The following SUSD3 variants were observed in gnomAD, a reference collection of about 807,000 sequenced individuals.
SUSD3 encodes the protein sushi domain-containing protein 3.
A neutral mutation model predicts 20.6 loss-of-function variants in SUSD3; 18 were observed. The ratio of observed to expected loss-of-function variants is 0.87; its 90% CI spans 0.60 to 1.30. The LOEUF (loss-of-function observed/expected upper bound fraction) is 1.30. SUSD3 is among the 50% of genes most tolerant of loss of function. The pLI, the probability that SUSD3 is intolerant of heterozygous loss-of-function variation, is 0.00. For missense variants in SUSD3, 306 were observed against 346.9 expected, an observed-to-expected ratio of 0.88 and a Z score of 0.94; for synonymous variants, 137 against 141.5, an observed-to-expected ratio of 0.97 and a Z score of 0.23.
chr9:93,083,305 AG>A (rs1826497794), intron 4 of SUSD3, among the ~76,000 whole-genome samples: 1 of 152,128 alleles, frequency 6.6e-6, no homozygotes, highest in Non-Finnish European at 1.5e-5. Flanking sequence ...GGTCCTGCCC[AG>A]GGCTACAAAG....
intron 1 of SUSD3, among the ~76,000 whole-genome samples, chr9:93,075,540 C>CT (rs141399539): frequency 0.033 from 4,879 of 147,796 alleles, 117 homozygotes; most frequent in African/African-American, 0.058. Flanking sequence ...ACACTTATTT[C>CT]TTTTTTTAAT....
intron 1 of SUSD3, among the ~76,000 whole-genome samples, chr9:93,063,877 G>A (rs1304104618): frequency 1.3e-5 from 2 of 152,170 alleles, no homozygotes; most frequent in East Asian, 3.8e-4. Context: ...AGCCCCACCA[G>A]GCACCATCCT....
intron 4 of SUSD3, among the ~76,000 whole-genome samples, chr9:93,083,779 A>T (rs1321971821): frequency 6.6e-6 from 1 of 151,942 alleles, no homozygotes; most frequent in Non-Finnish European, 1.5e-5. Flanking sequence ...TACTTACTAG[A>T]GTTTTTCTGA....
chr9:93,079,381 C>T (rs1826307946), intron 3 of SUSD3, 90 bp from the exon 4 acceptor site: 19 of 1,450,278 alleles, frequency 1.3e-5, no homozygotes, highest in South Asian at 3.8e-5. Context: ...GTCCTGCAGA[C>T]GGTGCCCTGG....
At chr9:93,078,967 T>A (rs1009436908) in intron 3 of SUSD3, among the ~76,000 whole-genome samples, 5 of 151,220 alleles carry the variant, frequency 3.3e-5, no homozygotes, top group African/African-American at 1.2e-4. Flanking sequence ...GCTCAGCTAA[T>A]TTTTTTTTGT....
At chr9:93,066,907 C>T (rs112671493) in intron 1 of SUSD3, among the ~76,000 whole-genome samples, 1,745 of 152,124 alleles carry the variant, frequency 0.011, 33 homozygotes, top group African/African-American at 0.04. Context: ...GGGGTTTCAC[C>T]GTGTTGGCCA....
chr9:93,063,250 A>T (rs1825577503), intron 1 of SUSD3, among the ~76,000 whole-genome samples: 1 of 152,168 alleles, frequency 6.6e-6, no homozygotes. Context: ...ATTGAGGCCC[A>T]GGGCCCCAGT....
intron 1 of SUSD3, among the ~76,000 whole-genome samples, chr9:93,065,656 T>A (rs1312522610): frequency 6.6e-6 from 1 of 152,194 alleles, no homozygotes; most frequent in East Asian, 1.9e-4. Context: ...CAGAATCCCA[T>A]AGCCACCTCC....
intron 1 of SUSD3, among the ~76,000 whole-genome samples, chr9:93,063,653 C>T (rs543111237): frequency 2.6e-5 from 4 of 152,260 alleles, no homozygotes; most frequent in South Asian, 2.1e-4. Flanking sequence ...ACCTCTTGGC[C>T]ACCCTGAGGA....
In SUSD3 at chr9:93,079,531, C is replaced by A; in HGVS notation, c.486C>A (p.Tyr162Ter). ...DEDLETVQAAYLGLKHFNKPV... is the reference protein window; with the variant it reads ...DEDLETVQAA ...ACTTGGAGACGGTGCAGGCCGCATACCTTGGCCTCAAGCACTTCAACAAAC... is the reference window on the plus strand; with the variant it reads ...ACTTGGAGACGGTGCAGGCCGCATAACTTGGCCTCAAGCACTTCAACAAAC... The change falls in exon 4 of 5, where the codon TAC becomes TAA. Residue 162 changes from tyrosine (Y) to a stop codon, truncating the protein, a stop_gained. Transcript: ENST00000375472. LOFTEE classifies it high-confidence loss of function. The A allele has an allele frequency of 6.2e-7, 1 of 1,614,164 alleles. No individual in the cohort carries two copies. The highest frequency in any genetic ancestry group is 2.2e-5 in the East Asian group (1 of 44,888).
At chr9:93,065,511 T>A (rs1022055362) in intron 1 of SUSD3, among the ~76,000 whole-genome samples, 2 of 152,152 alleles carry the variant, frequency 1.3e-5, no homozygotes, top group Non-Finnish European at 2.9e-5. Flanking sequence ...AGGGCCGCAG[T>A]GGGCTGGGAA....
In SUSD3 at chr9:93,084,743, G is replaced by A. The variant is rs763388701; in HGVS notation, c.764G>A (p.Gly255Glu). 21 of 1,516,474 alleles carry A rather than the reference G, an allele frequency of 1.4e-5. No homozygotes were observed. The highest frequency in any genetic ancestry group is 1.8e-5 in the Non-Finnish European group (20 of 1,130,416). The allele number at this position is 1,516,474 out of a possible 1,614,324, so 93.9% of individuals were successfully genotyped here. Reference sequence around the variant, plus strand: ...CAACAGCCCGCAGCATATGCCCTAGGGTGACCACGCAGTGAGGCTGGTGCC... The same window carrying A: ...CAACAGCCCGCAGCATATGCCCTAGAGTGACCACGCAGTGAGGCTGGTGCC... ...MPQQPAAYAL[G>E] is the part of the protein sequence containing the mutation. Residue 255 changes from glycine (G) to glutamate (E), a missense_variant, in exon 5 of 5, where the codon GGG (glycine) becomes GAG (glutamate). Gly to Glu is a moderately conservative substitution (Grantham distance 98, BLOSUM62 -2). Transcript: ENST00000375472.
intron 2 of SUSD3, among the ~76,000 whole-genome samples, chr9:93,076,194 C>G (rs571244848): frequency 5.9e-5 from 9 of 152,316 alleles, no homozygotes; most frequent in Non-Finnish European, 1.0e-4. Context: ...GACCGAAAAC[C>G]TAGTAGCGGG....
chr9:93,075,737 CCCA>C (rs751862062), intron 1 of SUSD3, 44 bp from the exon 2 acceptor site: 10 of 115,918 alleles, frequency 8.6e-5, no homozygotes, highest in South Asian at 1.6e-4. Context: ...GCCCTGCGTG[CCCA>C]CCCCCCCCCC....
At chr9:93,082,877 G>A (rs992396926) in intron 4 of SUSD3, among the ~76,000 whole-genome samples, 1 of 152,224 alleles carries the variant, frequency 6.6e-6, no homozygotes, top group Non-Finnish European at 1.5e-5. Context: ...TGCCGCAGGG[G>A]CTTTGCTGGC....
At chr9:93,065,035 A>G (rs1281487352) in intron 1 of SUSD3, among the ~76,000 whole-genome samples, 1 of 152,210 alleles carries the variant, frequency 6.6e-6, no homozygotes, top group Admixed American at 6.5e-5. Context: ...CAGACCGCTC[A>G]GCAGTGGTTA....
At chr9:93,084,351 G>A (rs1826554996) in intron 4 of SUSD3, among the ~76,000 whole-genome samples, 186 bp from the exon 5 acceptor site, 1 of 152,268 alleles carries the variant, frequency 6.6e-6, no homozygotes, top group Non-Finnish European at 1.5e-5. Context: ...CCGGCAGGGA[G>A]ATGGAGTGAC....
At chr9:93,075,748 C>CA (rs764492135) in intron 1 of SUSD3, 36 bp from the exon 2 acceptor site, 2 of 202,416 alleles carry the variant, frequency 9.9e-6, no homozygotes, top group South Asian at 5.0e-5. Flanking sequence ...CCACCCCCCC[C>CA]CCCCCGCCAT....
intron 3 of SUSD3, among the ~76,000 whole-genome samples, chr9:93,078,498 G>A (rs1826267479): frequency 6.6e-6 from 1 of 152,172 alleles, no homozygotes; most frequent in South Asian, 2.1e-4. Flanking sequence ...GACCTCTGGT[G>A]ATCCGCCCAG....
Sources: allele counts gnomAD v4.1 joint callset (sites outside exome capture counted in the v4.1 genomes callset), GRCh38; gene constraint gnomAD v4.1.1; transcripts MANE v1.5; gene names NCBI Gene and HGNC (gene_info 2026-07-23, HGNC 2026-07-21).